The following TRAF5 variants were observed in gnomAD, a reference collection of about 807,000 sequenced individuals.
TRAF5 encodes TNF receptor associated factor 5, also known as TNF receptor-associated factor 5.
In TRAF5, 48 loss-of-function variants were observed where a neutral mutation model predicts 64.5. The observed-to-expected ratio is 0.74, with a 90% CI of 0.59 to 0.95. The LOEUF (loss-of-function observed/expected upper bound fraction) is 0.95, where lower values mean the gene tolerates loss of function less well. Ranked by LOEUF, TRAF5 falls within the 40% of genes least tolerant of loss-of-function variation. The pLI is 0.00. For synonymous variants in TRAF5, 206 were observed against 240.5 expected (o/e 0.86, Z 1.33); for missense variants, 545 against 662.8 (o/e 0.82, Z 1.95).
chr1:211,351,803 A>G (rs765442361), intron 1 of TRAF5, among the ~76,000 whole-genome samples: 4 of 152,140 alleles, frequency 2.6e-5, no homozygotes, highest in East Asian at 1.9e-4. Context: ...TGGGTTGTCT[A>G]TTCTGTTCCC....
At chr1:211,371,577 C>T (rs893705367) in intron 10 of TRAF5, 107 bp downstream of exon 10, 3 of 1,143,626 alleles carry the variant, frequency 2.6e-6, no homozygotes, top group African/African-American at 1.7e-5. Context: ...CCAGGATAAA[C>T]AATGGCTGAA....
intron 7 of TRAF5, 108 bp downstream of exon 7, chr1:211,361,270 G>T: frequency 1.0e-6 from 1 of 994,670 alleles, no homozygotes; most frequent in Non-Finnish European, 1.5e-6. Context: ...ATACAGTTCT[G>T]AGAAATTTAA....
intron 8 of TRAF5, among the ~76,000 whole-genome samples, chr1:211,368,657 G>T (rs1703429251): frequency 6.6e-6 from 1 of 152,244 alleles, no homozygotes; most frequent in African/African-American, 2.4e-5. Flanking sequence ...ATTGGCAACT[G>T]TTGCAGATTG....
intron 3 of TRAF5, 89 bp from the exon 4 acceptor site, chr1:211,356,278 G>A: frequency 9.8e-7 from 1 of 1,022,998 alleles, no homozygotes. Flanking sequence ...TGCCTTCTGA[G>A]ATACACTCGA....
intron 1 of TRAF5, among the ~76,000 whole-genome samples, chr1:211,332,245 A>G (rs1013532596): frequency 1.3e-5 from 2 of 152,234 alleles, no homozygotes; most frequent in Admixed American, 1.3e-4. Flanking sequence ...ACAGGAAAAA[A>G]TAAAACAGAT....
chr1:211,330,627 C>T (rs921813371), intron 1 of TRAF5, among the ~76,000 whole-genome samples: 2 of 152,192 alleles, frequency 1.3e-5, no homozygotes, highest in African/African-American at 4.8e-5. Context: ...TGCACTCGCT[C>T]CTCACTCGGC....
At chr1:211,332,770 T>C (rs1475831976) in intron 1 of TRAF5, among the ~76,000 whole-genome samples, 1 of 152,206 alleles carries the variant, frequency 6.6e-6, no homozygotes, top group Non-Finnish European at 1.5e-5. Flanking sequence ...TGAGCAAAGA[T>C]GTTTTAAAAA....
At chr1:211,359,684 A>G (rs1703108113) in intron 4 of TRAF5, 7 of 474,200 alleles carry the variant, frequency 1.5e-5, no homozygotes, top group Non-Finnish European at 2.2e-5. Flanking sequence ...AATTTCCCCC[A>G]GCCAAGACTG....
intron 7 of TRAF5, among the ~76,000 whole-genome samples, chr1:211,365,171 A>G (rs1703310044): frequency 6.6e-6 from 1 of 151,432 alleles, no homozygotes; most frequent in African/African-American, 2.4e-5. Flanking sequence ...GGCTGTCTCA[A>G]AAAAAAAACA....
chr1:211,338,522 G>T (rs967525490), intron 1 of TRAF5, among the ~76,000 whole-genome samples: 1 of 152,204 alleles, frequency 6.6e-6, no homozygotes, highest in African/African-American at 2.4e-5. Flanking sequence ...GGGTGGAAAT[G>T]CATGGTGATT....
chr1:211,367,026 G>A (rs1703376908), intron 8 of TRAF5, among the ~76,000 whole-genome samples: 1 of 152,168 alleles, frequency 6.6e-6, no homozygotes, highest in African/African-American at 2.4e-5. Context: ...CTGTCACCCA[G>A]GCTGGAGTAC....
At chr1:211,342,967 C>T (rs1294767671) in intron 1 of TRAF5, among the ~76,000 whole-genome samples, 1 of 152,116 alleles carries the variant, frequency 6.6e-6, no homozygotes, top group African/African-American at 2.4e-5. Context: ...GCAGATGTGT[C>T]TTCAATATTC....
chr1:211,328,156 C>G (rs1702068732), intron 1 of TRAF5, among the ~76,000 whole-genome samples: 1 of 152,214 alleles, frequency 6.6e-6, no homozygotes, highest in South Asian at 2.1e-4. Context: ...CTTATGTACT[C>G]ACAAAGCTGA....
At chr1:211,356,513 G>A (rs1420393401) in intron 4 of TRAF5, 45 bp downstream of exon 4, 1 of 1,562,930 alleles carries the variant, frequency 6.4e-7, no homozygotes, top group South Asian at 1.1e-5. Flanking sequence ...CATTTTTCCA[G>A]GAATGTGTGT....
intron 10 of TRAF5, among the ~76,000 whole-genome samples, chr1:211,371,671 G>C (rs1703527874): frequency 6.6e-6 from 1 of 152,112 alleles, no homozygotes; most frequent in African/African-American, 2.4e-5. Flanking sequence ...TGAGGGACTG[G>C]GCTAGGAAAT....
intron 4 of TRAF5, 28 bp downstream of exon 4, chr1:211,356,496 C>T: frequency 1.9e-6 from 3 of 1,599,890 alleles, no homozygotes; most frequent in Non-Finnish European, 2.6e-6. Context: ...ACGATATCTG[C>T]TTTTGCCATT....
intron 8 of TRAF5, among the ~76,000 whole-genome samples, chr1:211,365,672 C>A (rs1703330126): frequency 6.6e-6 from 1 of 152,156 alleles, no homozygotes; most frequent in Non-Finnish European, 1.5e-5. Context: ...GGTCCATCCT[C>A]CTCATTCAAC....
intron 1 of TRAF5, among the ~76,000 whole-genome samples, chr1:211,346,639 G>A (rs1702614414): frequency 6.6e-6 from 1 of 152,184 alleles, no homozygotes; most frequent in Non-Finnish European, 1.5e-5. Flanking sequence ...GCAGGGGTAT[G>A]GAGGTGGTAT....
chr1:211,347,705 G>A (rs530485513), intron 1 of TRAF5, among the ~76,000 whole-genome samples: 46 of 152,344 alleles, frequency 3.0e-4, no homozygotes, highest in African/African-American at 1.0e-3. Flanking sequence ...CCAGGACAAA[G>A]CTGACAAGAC....
Sources: gnomAD v4.1 joint callset for allele counts (sites outside exome capture counted in the v4.1 genomes callset) on GRCh38, gnomAD v4.1.1 for gene constraint, MANE v1.5 for transcripts, NCBI Gene and HGNC (gene_info 2026-07-23, HGNC 2026-07-21) for gene names.